The following MAPK10 variants were observed in gnomAD, a reference collection of about 807,000 sequenced individuals.
MAPK10 encodes the protein JNK3 alpha protein kinase.
A neutral mutation model predicts 59.3 loss-of-function variants in MAPK10; 25 were observed. That is an observed-to-expected ratio of 0.42 (90% confidence interval 0.31 to 0.59). MAPK10 has a LOEUF of 0.59. Ranked by LOEUF, MAPK10 falls within the 20% of genes least tolerant of loss-of-function variation. MAPK10 has a pLI of 0.15. For missense variants in MAPK10, 351 were observed against 568.9 expected (o/e 0.62, Z 3.90); for synonymous variants, 190 against 200.5 (o/e 0.95, Z 0.44).
intron 1 of MAPK10, among the ~76,000 whole-genome samples, chr4:86,535,245 A>C (rs1413159871): frequency 3.3e-5 from 5 of 152,198 alleles, no homozygotes; most frequent in African/African-American, 1.2e-4. Flanking sequence ...AAGTTCCAGA[A>C]AGAGTTTACA....
intron 1 of MAPK10, among the ~76,000 whole-genome samples, chr4:86,416,554 T>C (rs1745886135): frequency 6.6e-6 from 1 of 152,154 alleles, no homozygotes; most frequent in Non-Finnish European, 1.5e-5. Flanking sequence ...CAGAATTCCT[T>C]TTAGGGGATT....
intron 3 of MAPK10, chr4:86,192,134 A>G (rs1484218052): frequency 6.6e-6 from 1 of 152,076 alleles, no homozygotes; most frequent in Non-Finnish European, 1.5e-5. Context: ...TTCTGCAGAG[A>G]TATTTGCTGT....
intron 2 of MAPK10, among the ~76,000 whole-genome samples, chr4:86,308,477 G>A (rs923996664): frequency 3.9e-5 from 6 of 152,038 alleles, no homozygotes; most frequent in African/African-American, 1.4e-4. Context: ...AAAAGAAAAG[G>A]GGAAAAAATA....
chr4:86,497,627 C>A (rs1045769027), intron 1 of MAPK10, among the ~76,000 whole-genome samples: 3 of 152,302 alleles, frequency 2.0e-5, no homozygotes, highest in Non-Finnish European at 2.9e-5. Flanking sequence ...GAAATAAAAT[C>A]TGTCCAGGGC....
chr4:86,188,606 C>A (rs2078861228), intron 3 of MAPK10, among the ~76,000 whole-genome samples: 1 of 151,850 alleles, frequency 6.6e-6, no homozygotes, highest in African/African-American at 2.4e-5. Flanking sequence ...TTGTTATTTT[C>A]TCATAAATTT....
intron 2 of MAPK10, among the ~76,000 whole-genome samples, chr4:86,226,977 T>G (rs1251944333): frequency 1.3e-5 from 2 of 152,230 alleles, no homozygotes; most frequent in African/African-American, 4.8e-5. Flanking sequence ...TTCATTGGAT[T>G]TGATGAATTG....
At chr4:86,115,518 A>G (rs1266552686) in intron 4 of MAPK10, among the ~76,000 whole-genome samples, 1 of 151,946 alleles carries the variant, frequency 6.6e-6, no homozygotes, top group Non-Finnish European at 1.5e-5. Flanking sequence ...ATGGAGTCCA[A>G]TGGCACGATC....
At chr4:86,232,500 A>G (rs964624013) in intron 2 of MAPK10, among the ~76,000 whole-genome samples, 1 of 151,948 alleles carries the variant, frequency 6.6e-6, no homozygotes, top group African/African-American at 2.4e-5. Context: ...CAGCCTCCCA[A>G]GTAGCTGGGA....
At chr4:86,542,365 A>G (rs1358465589) in intron 1 of MAPK10, 2 of 152,150 alleles carry the variant, frequency 1.3e-5, no homozygotes, top group African/African-American at 4.8e-5. Context: ...GATGTTTAAT[A>G]AGTCTTTCAA....
chr4:86,390,278 T>C (rs1367218909), intron 1 of MAPK10, among the ~76,000 whole-genome samples: 1 of 152,218 alleles, frequency 6.6e-6, no homozygotes, highest in Non-Finnish European at 1.5e-5. Context: ...TAAAAAGATA[T>C]TATTTAAAAA....
At chr4:86,405,365 T>G (rs1251947553) in intron 1 of MAPK10, among the ~76,000 whole-genome samples, 1 of 152,192 alleles carries the variant, frequency 6.6e-6, no homozygotes, top group African/African-American at 2.4e-5. Context: ...ACACCTCAAA[T>G]AAGAGTTAAA....
intron 2 of MAPK10, among the ~76,000 whole-genome samples, chr4:86,336,939 C>T (rs535806201): frequency 1.6e-4 from 25 of 151,774 alleles, no homozygotes; most frequent in African/African-American, 5.8e-4. Context: ...TACAGGCGCC[C>T]GCCACCGCGC....
intron 2 of MAPK10, among the ~76,000 whole-genome samples, chr4:86,340,736 G>A (rs1304791712): frequency 6.6e-6 from 1 of 151,958 alleles, no homozygotes; most frequent in African/African-American, 2.4e-5. Flanking sequence ...ACCAGATAGA[G>A]GATAACAATT....
intron 2 of MAPK10, among the ~76,000 whole-genome samples, chr4:86,304,247 G>A (rs921828898): frequency 6.6e-6 from 1 of 152,274 alleles, no homozygotes; most frequent in Admixed American, 6.5e-5. Context: ...AGTATAGACT[G>A]TCCAAAAACA....
At chr4:86,210,277 G>A (rs1378363189) in intron 2 of MAPK10, among the ~76,000 whole-genome samples, 1 of 151,802 alleles carries the variant, frequency 6.6e-6, no homozygotes, top group Non-Finnish European at 1.5e-5. Flanking sequence ...TAGACAAATA[G>A]GATAACAAGT....
chr4:86,282,072 T>C lies in MAPK10; in HGVS notation c.-7+72458A>G, dbSNP rs577627937. ...TAAAATGTAAATGCTACATTATTTA[T>C]GTGACAGACAAGAACTCAGGAGAAA... On this transcript the variant is annotated intron_variant, in intron 2 of 13. Transcript: ENST00000641462. 3.9e-5 allele frequency among the ~76,000 whole-genome samples: 6 copies of C among 152,328 alleles called. No individual in the cohort carries two copies. In the South Asian group the frequency reaches 1.2e-3, roughly 32 times the overall value.
chr4:86,417,991 T>G (rs1746068682), intron 1 of MAPK10, among the ~76,000 whole-genome samples: 1 of 152,168 alleles, frequency 6.6e-6, no homozygotes, highest in Non-Finnish European at 1.5e-5. Context: ...GAACTAACCC[T>G]TTTCTCTGAA....
intron 1 of MAPK10, among the ~76,000 whole-genome samples, chr4:86,442,283 A>G (rs1159203416): frequency 1.3e-5 from 2 of 152,150 alleles, no homozygotes; most frequent in African/African-American, 4.8e-5. Context: ...ATCTTTTTTC[A>G]TAGTAATTTT....
intron 2 of MAPK10, among the ~76,000 whole-genome samples, chr4:86,229,644 C>T (rs1330990584): frequency 1.3e-5 from 2 of 151,728 alleles, no homozygotes; most frequent in Non-Finnish European, 2.9e-5. Flanking sequence ...TCATTGTATG[C>T]ATGATTGAAA....
Sources: gnomAD v4.1 joint callset for allele counts (sites outside exome capture counted in the v4.1 genomes callset) on GRCh38, gnomAD v4.1.1 for gene constraint, MANE v1.5 for transcripts, NCBI Gene and HGNC (gene_info 2026-07-23, HGNC 2026-07-21) for gene names.